Variants in TSHR observed in about 807,000 individuals in gnomAD.
TSHR encodes the protein thyrotropin receptor.
A neutral mutation model predicts 64.1 loss-of-function variants in TSHR; 51 were observed. That is an observed-to-expected ratio of 0.80 (90% CI 0.64 to 1.01). The LOEUF is 1.01. Among genes scored for constraint, TSHR ranks in the 50% least tolerant of loss-of-function variants. The pLI, the probability that TSHR is intolerant of heterozygous loss-of-function variation, is 0.00. For synonymous variants in TSHR, 361 were observed against 361.9 expected (o/e 1.00, Z 0.03); for missense variants, 877 against 942.8 (o/e 0.93, Z 0.91).
At chr14:80,987,202 G>C (rs1224777140) in intron 1 of TSHR, among the ~76,000 whole-genome samples, 2 of 152,144 alleles carry the variant, frequency 1.3e-5, no homozygotes, top group Non-Finnish European at 2.9e-5. Context: ...ATATTACACA[G>C]TTTACCATTC....
chr14:81,139,115 C>G (rs1472969991), intron 8 of TSHR, among the ~76,000 whole-genome samples: 1 of 152,156 alleles, frequency 6.6e-6, no homozygotes, highest in Non-Finnish European at 1.5e-5. Context: ...TTACAGTCTT[C>G]TAAAGACACT....
At chr14:81,068,751 A>T (rs1886844446) in intron 3 of TSHR, among the ~76,000 whole-genome samples, 1 of 152,218 alleles carries the variant, frequency 6.6e-6, no homozygotes. Flanking sequence ...TAATAACCCT[A>T]GTTCTGGAGT....
chr14:81,136,576 G>A (rs1016402770), intron 8 of TSHR, among the ~76,000 whole-genome samples: 1 of 152,202 alleles, frequency 6.6e-6, no homozygotes, highest in Non-Finnish European at 1.5e-5. Flanking sequence ...GAGGCATCCA[G>A]GTGGAGATAT....
intron 3 of TSHR, among the ~76,000 whole-genome samples, chr14:81,071,925 A>C (rs1887101155): frequency 6.6e-6 from 1 of 152,090 alleles, no homozygotes; most frequent in Non-Finnish European, 1.5e-5. Flanking sequence ...TGGTAAATTC[A>C]CTCTTTCAAT....
In TSHR at chr14:81,074,099, CAA is replaced by C. The variant is rs538540550; in HGVS notation, c.317+5774_317+5775del. ...TAAACATTCAATTCTCTACTCTGAG[CAA>C]AAGTGTTAACTTCCTAAACCGAAGG... On this transcript the variant is annotated intron_variant, in intron 3 of 9. Transcript: ENST00000298171. 2.8e-4 allele frequency among the ~76,000 whole-genome samples: 43 copies of C among 152,122 alleles called. 1 individual carries two copies. In the East Asian group the frequency reaches 8.3e-3, roughly 29 times the overall value.
intron 3 of TSHR, among the ~76,000 whole-genome samples, chr14:81,075,973 T>G (rs1887473009): frequency 6.6e-6 from 1 of 151,998 alleles, no homozygotes; most frequent in Non-Finnish European, 1.5e-5. Context: ...CCATAAAAAA[T>G]GATGAGTTCA....
chr14:81,066,893 T>C (rs1417897883), intron 2 of TSHR, among the ~76,000 whole-genome samples: 1 of 152,148 alleles, frequency 6.6e-6, no homozygotes, highest in East Asian at 1.9e-4. Context: ...TACCTCACAA[T>C]AGAAAGTGGT....
chr14:81,072,984 G>A (rs1460710730), intron 3 of TSHR, among the ~76,000 whole-genome samples: 4 of 76,044 alleles, frequency 5.3e-5, no homozygotes, highest in East Asian at 3.1e-4. Flanking sequence ...GCGACAGAGC[G>A]AGACTCCGTC....
intron 1 of TSHR, chr14:80,983,398 T>C (rs1888274340): frequency 3.4e-6 from 4 of 1,160,662 alleles, no homozygotes; most frequent in Non-Finnish European, 4.9e-6. Context: ...TTGAAAGTAA[T>C]TTTAAATATA....
At chr14:81,058,505 C>T (rs917881138) in intron 1 of TSHR, among the ~76,000 whole-genome samples, 5 of 152,098 alleles carry the variant, frequency 3.3e-5, no homozygotes. Flanking sequence ...ATGCCTTAAT[C>T]GTTAATAGTA....
chr14:81,120,525 C>T (rs1890747410), intron 8 of TSHR, among the ~76,000 whole-genome samples: 1 of 152,248 alleles, frequency 6.6e-6, no homozygotes, highest in South Asian at 2.1e-4. Context: ...TGTAGGTTGA[C>T]TTTGTATCCT....
intron 1 of TSHR, among the ~76,000 whole-genome samples, chr14:81,036,689 A>T (rs1884643516): frequency 6.6e-6 from 1 of 152,196 alleles, no homozygotes. Context: ...TTTATTATCA[A>T]ATTTAGAATA....
chr14:81,054,787 TGTGACTTGG>T (rs1885662013), intron 1 of TSHR, among the ~76,000 whole-genome samples: 1 of 152,152 alleles, frequency 6.6e-6, no homozygotes, highest in African/African-American at 2.4e-5. Flanking sequence ...GCATTCAAGA[TGTGACTTGG>T]GTGCTGTTAA....
chr14:81,043,877 A>G (rs1045521502), intron 1 of TSHR, among the ~76,000 whole-genome samples: 2 of 152,240 alleles, frequency 1.3e-5, no homozygotes, highest in African/African-American at 4.8e-5. Flanking sequence ...AGTCCTGGCT[A>G]GCCATATGCA....
At chr14:80,990,946 C>A (rs1471354889) in intron 1 of TSHR, among the ~76,000 whole-genome samples, 1 of 152,172 alleles carries the variant, frequency 6.6e-6, no homozygotes, top group Non-Finnish European at 1.5e-5. Flanking sequence ...TGAGCCACTG[C>A]GCCTGGCTGA....
chr14:81,066,178 G>A (rs367906432), intron 2 of TSHR, among the ~76,000 whole-genome samples: 16 of 152,136 alleles, frequency 1.1e-4, no homozygotes, highest in South Asian at 2.1e-4. Context: ...AATATGGGCC[G>A]AGTGACTATC....
intron 1 of TSHR, chr14:81,001,216 TC>T (rs1253572204): frequency 1.2e-5 from 2 of 161,932 alleles, no homozygotes; most frequent in African/African-American, 4.8e-5. Context: ...ATCTTTTTTT[TC>T]CTTATGTACA....
chr14:80,969,281 C>G (rs77549221), intron 1 of TSHR, among the ~76,000 whole-genome samples: 11,773 of 152,208 alleles, frequency 0.077, 690 homozygotes, highest in South Asian at 0.23. Context: ...TTCATATGCC[C>G]TTTGTTGCAC....
At chr14:81,113,647 A>G (rs1890331695) in intron 8 of TSHR, among the ~76,000 whole-genome samples, 1 of 152,224 alleles carries the variant, frequency 6.6e-6, no homozygotes. Flanking sequence ...TGTATTTTTA[A>G]TGACAAAGAG....
Sources: allele counts gnomAD v4.1 joint callset (sites outside exome capture counted in the v4.1 genomes callset), GRCh38; gene constraint gnomAD v4.1.1; transcripts MANE v1.5; gene names NCBI Gene and HGNC (gene_info 2026-07-23, HGNC 2026-07-21).